Variants in PVT1 observed in about 807,000 individuals in gnomAD.
PVT1 encodes the protein CXCR4/PVT1 fusion.
intron 3 of PVT1, among the ~76,000 whole-genome samples, chr8:127,900,287 C>G (rs1376336098): frequency 6.6e-6 from 1 of 152,024 alleles, no homozygotes. Flanking sequence ...ATGATCCCCC[C>G]ACCTCGGCCT....
At chr8:127,800,716 G>A (rs964546006) in intron 2 of PVT1, among the ~76,000 whole-genome samples, 3 of 152,076 alleles carry the variant, frequency 2.0e-5, no homozygotes, top group African/African-American at 7.2e-5. Context: ...TATTTGTTGG[G>A]TGTCTACTCT....
chr8:127,905,172 C>T (rs774691632), intron 3 of PVT1, among the ~76,000 whole-genome samples: 1 of 152,230 alleles, frequency 6.6e-6, no homozygotes, highest in Non-Finnish European at 1.5e-5. Context: ...TCCAACTGGA[C>T]CAGCTTCTGT....
intron 2 of PVT1, among the ~76,000 whole-genome samples, chr8:127,884,364 TCTA>T (rs1815502141): frequency 6.6e-6 from 1 of 152,252 alleles, no homozygotes. Context: ...AAAAATCCAT[TCTA>T]CTGTTGATGG....
chr8:127,852,663 G>A (rs1390338817), intron 2 of PVT1, among the ~76,000 whole-genome samples: 1 of 152,180 alleles, frequency 6.6e-6, no homozygotes, highest in African/African-American at 2.4e-5. Context: ...ATTAAGGCAG[G>A]TTAAGCCCTT....
rs80063605 is a variant in PVT1 at position 127,863,742 on chromosome 8, A to C, written n.373-26847A>C. On this transcript the variant is annotated intron_variant and non_coding_transcript_variant, in intron 2 of 10. Coordinates refer to ENST00000651587, the Ensembl canonical transcript of PVT1. ...AGCACAGTGCTTAGCTTGGAAGCCAAAGCCCAGAGGGGTAGAATGACTTGC... is the reference window on the plus strand; with the variant it reads ...AGCACAGTGCTTAGCTTGGAAGCCACAGCCCAGAGGGGTAGAATGACTTGC... Among the ~76,000 whole-genome samples, 872 of 152,274 alleles carry C rather than the reference A, an allele frequency of 5.7e-3. 12 individuals are homozygous for C. Among genetic ancestry groups the C allele is most frequent in the African/African-American group, 0.02 (823 of 41,564 alleles).
intron 3 of PVT1, among the ~76,000 whole-genome samples, chr8:127,896,838 C>T (rs959002339): frequency 2.0e-5 from 3 of 148,212 alleles, no homozygotes; most frequent in African/African-American, 4.9e-5. Context: ...CTCTGAGCCT[C>T]ACTTTCTTCA....
intron 4 of PVT1, among the ~76,000 whole-genome samples, chr8:127,998,580 C>T (rs1341079994): frequency 1.4e-5 from 2 of 148,062 alleles, no homozygotes; most frequent in Non-Finnish European, 1.5e-5. Flanking sequence ...CTTCCTCCCT[C>T]CCTCTTTTCT....
intron 3 of PVT1, among the ~76,000 whole-genome samples, chr8:127,908,593 G>A (rs760515322): frequency 1.1e-4 from 17 of 152,096 alleles, no homozygotes; most frequent in Non-Finnish European, 1.8e-4. Context: ...GCCCACCTCA[G>A]CCTCCCAAAG....
At chr8:127,920,284 C>A (rs1314210140) in intron 3 of PVT1, among the ~76,000 whole-genome samples, 1 of 152,230 alleles carries the variant, frequency 6.6e-6, no homozygotes, top group Non-Finnish European at 1.5e-5. Flanking sequence ...TTGGCCTACT[C>A]ACTGAATTAA....
At chr8:128,093,323 C>G (rs1211072852) in intron 5 of PVT1, among the ~76,000 whole-genome samples, 1 of 152,046 alleles carries the variant, frequency 6.6e-6, no homozygotes, top group African/African-American at 2.4e-5. Context: ...TTTGGGAGGC[C>G]GAGGTGGGCG....
chr8:128,058,705 TC>T (rs1371666151), intron 4 of PVT1, among the ~76,000 whole-genome samples: 4 of 152,182 alleles, frequency 2.6e-5, no homozygotes, highest in Non-Finnish European at 4.4e-5. Flanking sequence ...GAGGACATAT[TC>T]CCATAAACTA....
rs550108529 is a variant in PVT1 at position 128,046,554 on chromosome 8, G to A, written n.913-23606G>A. ...GTTCGTGCTCCATGGTGATGGAGAA[G>A]CATAGTTCTAATCTGTCATTCTGTT... On this transcript the variant is annotated intron_variant and non_coding_transcript_variant, in intron 4 of 10. Transcript: ENST00000651587. Among the ~76,000 whole-genome samples, 7 of 152,336 alleles carry A rather than the reference G, an allele frequency of 4.6e-5. No individual in the cohort carries two copies. In the South Asian group the frequency reaches 1.2e-3, roughly 27 times the overall value.
At chr8:127,816,640 C>T (rs1586391599) in intron 2 of PVT1, among the ~76,000 whole-genome samples, 2 of 152,106 alleles carry the variant, frequency 1.3e-5, no homozygotes, top group African/African-American at 4.8e-5. Flanking sequence ...TCTCCTGCCT[C>T]AGTCTCCTGA....
At chr8:127,985,690 A>AG (rs980931628) in intron 3 of PVT1, among the ~76,000 whole-genome samples, 1 of 152,120 alleles carries the variant, frequency 6.6e-6, no homozygotes, top group Non-Finnish European at 1.5e-5. Flanking sequence ...CCTTCTCCAG[A>AG]GGGAAGGAAC....
At chr8:127,811,428 C>T (rs546127474) in intron 2 of PVT1, among the ~76,000 whole-genome samples, 1 of 152,292 alleles carries the variant, frequency 6.6e-6, no homozygotes, top group East Asian at 1.9e-4. Flanking sequence ...TCAGGCATTT[C>T]ATGTCTTTCC....
intron 3 of PVT1, among the ~76,000 whole-genome samples, chr8:127,965,454 C>T (rs1667575568): frequency 6.6e-6 from 1 of 152,202 alleles, no homozygotes; most frequent in African/African-American, 2.4e-5. Flanking sequence ...GGCAGCTGCT[C>T]ACTCTAAGGC....
intron 4 of PVT1, among the ~76,000 whole-genome samples, chr8:128,028,583 A>AGG (rs1813348344): frequency 6.6e-6 from 1 of 152,202 alleles, no homozygotes; most frequent in Non-Finnish European, 1.5e-5. Context: ...TCACTCTGCC[A>AGG]TCTCTAGCTA....
intron 4 of PVT1, among the ~76,000 whole-genome samples, chr8:128,035,834 C>T (rs2130078547): frequency 6.6e-6 from 1 of 152,258 alleles, no homozygotes; most frequent in South Asian, 2.1e-4. Context: ...AGCCAGGAGC[C>T]AAGAAATGCT....
chr8:127,829,584 G>A (rs752422114), intron 2 of PVT1, among the ~76,000 whole-genome samples: 8 of 152,288 alleles, frequency 5.3e-5, no homozygotes, highest in South Asian at 2.1e-4. Flanking sequence ...TAAAGAAAGC[G>A]CTTTCTGAAG....
Sources: gnomAD v4.1 joint callset for allele counts (sites outside exome capture counted in the v4.1 genomes callset) on GRCh38, gnomAD v4.1.1 for gene constraint, MANE v1.5 for transcripts, NCBI Gene and HGNC (gene_info 2026-07-23, HGNC 2026-07-21) for gene names.